NLGN1: variants seen among roughly 807,000 people sequenced by gnomAD.
The protein encoded by NLGN1 is neuroligin 1.
Under a neutral mutation model 65.5 loss-of-function variants are expected in NLGN1, and 12 were observed. That is an observed-to-expected ratio of 0.18 (90% CI 0.12 to 0.30). The LOEUF (loss-of-function observed/expected upper bound fraction) is 0.30, where lower values mean the gene tolerates loss of function less well. Among genes scored for constraint, NLGN1 ranks in the 10% least tolerant of loss-of-function variants. The probability of loss-of-function intolerance (pLI) is 1.00; values close to 1 mark genes in which losing one functional copy is unlikely to be tolerated. For missense variants in NLGN1, 750 were observed against 1,007.1 expected (o/e 0.74, Z 3.46); for synonymous variants, 350 against 359.5 (o/e 0.97, Z 0.30).
chr3:173,856,240 G>A (rs543527151), intron 4 of NLGN1, among the ~76,000 whole-genome samples: 1 of 150,206 alleles, frequency 6.7e-6, no homozygotes, highest in East Asian at 2.0e-4. Context: ...CTTTTGCAGT[G>A]GTAGTAATAG....
At chr3:174,189,873 G>A (rs545269626) in intron 4 of NLGN1, among the ~76,000 whole-genome samples, 2 of 152,170 alleles carry the variant, frequency 1.3e-5, no homozygotes, top group South Asian at 2.1e-4. Context: ...TAAGGGAAGT[G>A]AGAATAAGGA....
rs181924466 is a variant in NLGN1 at position 174,154,463 on chromosome 3, C to T, written c.647-120852C>T. Among the ~76,000 whole-genome samples, 393 of 152,054 alleles carry T rather than the reference C, an allele frequency of 2.6e-3. 1 individual carries two copies. In the Middle Eastern group the frequency reaches 0.041, roughly 16 times the overall value. On this transcript the variant is annotated intron_variant, in intron 4 of 6. Transcript: ENST00000457714. Reference sequence around the variant, plus strand: ...GGTCCTTTCTACACAAGATTTTTCACATCAAGTTTTTATGAAGGAATATTA... The same window carrying T: ...GGTCCTTTCTACACAAGATTTTTCATATCAAGTTTTTATGAAGGAATATTA...
exon 4 of NLGN1, chr3:173,807,753 A>C: frequency 6.2e-7 from 1 of 1,613,770 alleles, no homozygotes; most frequent in Non-Finnish European, 8.5e-7. Flanking sequence ...AAGGTACTGG[A>C]AATTTATATG....
intron 3 of NLGN1, among the ~76,000 whole-genome samples, chr3:173,702,778 TGCAGTTAG>T (rs1007149779): frequency 3.9e-5 from 6 of 152,194 alleles, no homozygotes; most frequent in Admixed American, 6.5e-5. Flanking sequence ...CTAACTATTG[TGCAGTTAG>T]GAGGAAAAAA....
intron 2 of NLGN1, among the ~76,000 whole-genome samples, chr3:173,518,035 G>A (rs1388166959): frequency 3.3e-5 from 5 of 152,006 alleles, no homozygotes; most frequent in Non-Finnish European, 1.5e-5. Flanking sequence ...TAGATCAAAG[G>A]GTGTATCTGT....
chr3:174,260,877 G>A (rs1746756549), intron 4 of NLGN1, among the ~76,000 whole-genome samples: 1 of 147,670 alleles, frequency 6.8e-6, no homozygotes, highest in South Asian at 2.2e-4. Flanking sequence ...TGTAAGGAAG[G>A]GATCCAGTTT....
intron 4 of NLGN1, among the ~76,000 whole-genome samples, chr3:173,838,827 G>A (rs1156959733): frequency 6.6e-6 from 1 of 152,164 alleles, no homozygotes; most frequent in Non-Finnish European, 1.5e-5. Context: ...TTGTCTCTAT[G>A]TTTGGATCCT....
chr3:174,238,025 A>G (rs1014210247), intron 4 of NLGN1, among the ~76,000 whole-genome samples: 2 of 152,176 alleles, frequency 1.3e-5, no homozygotes, highest in African/African-American at 4.8e-5. Context: ...GGATGTGCTA[A>G]ATATCTTGAT....
At chr3:173,830,826 G>A (rs1722398414) in intron 4 of NLGN1, among the ~76,000 whole-genome samples, 1 of 152,152 alleles carries the variant, frequency 6.6e-6, no homozygotes, top group Non-Finnish European at 1.5e-5. Flanking sequence ...ATGTTCTGGA[G>A]GAATCATGTG....
chr3:174,058,922 C>T (rs1736780016), intron 4 of NLGN1, among the ~76,000 whole-genome samples: 1 of 152,116 alleles, frequency 6.6e-6, no homozygotes, highest in Admixed American at 6.6e-5. Context: ...ATCTTGAGAA[C>T]TCAAAGCAAA....
chr3:173,747,801 C>CTTCT (rs1775714048), intron 3 of NLGN1, among the ~76,000 whole-genome samples: 1 of 64,422 alleles, frequency 1.6e-5, no homozygotes, highest in African/African-American at 6.2e-5. Context: ...TCTTCTTGTT[C>CTTCT]TTTTTTTTTT....
intron 3 of NLGN1, among the ~76,000 whole-genome samples, chr3:173,754,024 C>CTTTTTTTTTTT (rs71162358): frequency 9.9e-5 from 12 of 121,610 alleles, no homozygotes; most frequent in East Asian, 2.4e-4. Context: ...TCTTTCTTTT[C>CTTTTTTTTTTT]TTTTTTTTTT....
chr3:174,045,179 G>A (rs1478303399), intron 4 of NLGN1, among the ~76,000 whole-genome samples: 4 of 152,044 alleles, frequency 2.6e-5, no homozygotes, highest in Admixed American at 1.3e-4. Context: ...GTGTTAATCC[G>A]TTTTCATGCT....
chr3:173,959,888 A>G lies in NLGN1; in HGVS notation c.646+152056A>G, dbSNP rs1352604303. ...TTGCTTTTAAACCACTATGGCCTAA[A>G]TATTTTCACCCACTTTTCCGTTGTT... On this transcript the variant is annotated intron_variant, in intron 4 of 6. Transcript: ENST00000457714. Among the ~76,000 whole-genome samples the G allele has an allele frequency of 3.3e-5, 5 of 152,088 alleles. No homozygotes were observed. In the East Asian group the frequency reaches 7.7e-4, roughly 23 times the overall value.
At chr3:173,998,394 G>A (rs1722677396) in intron 4 of NLGN1, among the ~76,000 whole-genome samples, 1 of 152,148 alleles carries the variant, frequency 6.6e-6, no homozygotes, top group Non-Finnish European at 1.5e-5. Context: ...GAGTGTTTAA[G>A]TAGAGGAGGT....
intron 4 of NLGN1, among the ~76,000 whole-genome samples, chr3:173,842,374 C>G (rs896318800): frequency 6.6e-6 from 1 of 152,148 alleles, no homozygotes; most frequent in Non-Finnish European, 1.5e-5. Flanking sequence ...ACCTTCCCAA[C>G]AGTCCCCCAA....
At chr3:174,250,014 G>T (rs545490096) in intron 4 of NLGN1, among the ~76,000 whole-genome samples, 1 of 152,218 alleles carries the variant, frequency 6.6e-6, no homozygotes, top group South Asian at 2.1e-4. Flanking sequence ...GAGAAGAGTA[G>T]GAAATCTTTT....
chr3:173,551,376 A>G (rs977640363), intron 2 of NLGN1, among the ~76,000 whole-genome samples: 4 of 152,220 alleles, frequency 2.6e-5, no homozygotes, highest in Non-Finnish European at 2.9e-5. Flanking sequence ...TATCTGTATT[A>G]TGGATTCATT....
intron 4 of NLGN1, among the ~76,000 whole-genome samples, chr3:173,847,814 G>C (rs1213713537): frequency 2.0e-5 from 3 of 152,080 alleles, no homozygotes; most frequent in Non-Finnish European, 2.9e-5. Flanking sequence ...AGAGGTTGCA[G>C]TGAACCAAGA....
Sources: allele counts gnomAD v4.1 joint callset (sites outside exome capture counted in the v4.1 genomes callset), GRCh38; gene constraint gnomAD v4.1.1; transcripts MANE v1.5; gene names NCBI Gene and HGNC (gene_info 2026-07-23, HGNC 2026-07-21).